KCNH7: variants seen among roughly 807,000 people sequenced by gnomAD.
KCNH7 encodes potassium voltage-gated channel subfamily H member 7, also known as voltage-gated inwardly rectifying potassium channel KCNH7.
Under a neutral mutation model 120.8 loss-of-function variants are expected in KCNH7, and 49 were observed. That is an observed-to-expected ratio of 0.41 (90% CI 0.32 to 0.51). The LOEUF (loss-of-function observed/expected upper bound fraction) is 0.51, where lower values mean the gene tolerates loss of function less well. Ranked by LOEUF, KCNH7 falls within the 20% of genes least tolerant of loss-of-function variation. The pLI, the probability that KCNH7 is intolerant of heterozygous loss-of-function variation, is 0.38. For missense variants in KCNH7, 1,097 were observed against 1,446.6 expected (o/e 0.76, Z 3.92); for synonymous variants, 547 against 516.1 (o/e 1.06, Z -0.81).
At chr2:162,616,466 G>C (rs912910233) in intron 2 of KCNH7, among the ~76,000 whole-genome samples, 1 of 152,170 alleles carries the variant, frequency 6.6e-6, no homozygotes, top group Admixed American at 6.5e-5. Flanking sequence ...TCACTAACTA[G>C]TTGTTCGTCT....
chr2:162,479,673 ATGTGTGTGTG>A (rs71009359), intron 6 of KCNH7, among the ~76,000 whole-genome samples: 6 of 145,300 alleles, frequency 4.1e-5, no homozygotes, highest in Admixed American at 1.4e-4. Context: ...GTGTGTGTGC[ATGTGTGTGTG>A]TGTGTGTGTG....
chr2:162,407,511 A>G (rs1188410327), intron 9 of KCNH7, among the ~76,000 whole-genome samples: 1 of 152,014 alleles, frequency 6.6e-6, no homozygotes, highest in Non-Finnish European at 1.5e-5. Context: ...TTGCTTTCAT[A>G]CACATGTCCT....
intron 2 of KCNH7, among the ~76,000 whole-genome samples, chr2:162,609,481 T>C (rs556278172): frequency 5.3e-5 from 8 of 152,156 alleles, no homozygotes; most frequent in Non-Finnish European, 1.2e-4. Flanking sequence ...CCTTGCGTTG[T>C]TGTCCTTATA....
intron 2 of KCNH7, among the ~76,000 whole-genome samples, chr2:162,717,298 A>G (rs990020008): frequency 3.9e-5 from 6 of 152,090 alleles, no homozygotes; most frequent in African/African-American, 1.2e-4. Flanking sequence ...TGCTTTCCCC[A>G]TTTGGCAGGT....
At chr2:162,502,444 T>C (rs563617849) in intron 6 of KCNH7, 121 of 152,118 alleles carry the variant, frequency 8.0e-4, no homozygotes, top group African/African-American at 2.5e-3. Flanking sequence ...AGAAGTAAGG[T>C]TTCCCAGTCC....
intron 2 of KCNH7, among the ~76,000 whole-genome samples, chr2:162,542,589 T>C (rs1383877441): frequency 6.6e-6 from 1 of 152,062 alleles, no homozygotes; most frequent in Non-Finnish European, 1.5e-5. Context: ...CTCATCATTT[T>C]TTATGGCTGC....
chr2:162,474,165 A>T (rs1175457407), intron 6 of KCNH7, among the ~76,000 whole-genome samples: 1 of 152,218 alleles, frequency 6.6e-6, no homozygotes, highest in African/African-American at 2.4e-5. Flanking sequence ...TTAAAGTCCC[A>T]TGAGGTTAGC....
chr2:162,404,766 G>A (rs1341497713), intron 9 of KCNH7, among the ~76,000 whole-genome samples: 1 of 151,858 alleles, frequency 6.6e-6, no homozygotes, highest in Non-Finnish European at 1.5e-5. Context: ...CCAGTCTCAG[G>A]TACTTCTTTA....
intron 2 of KCNH7, among the ~76,000 whole-genome samples, chr2:162,718,191 AT>A (rs36105366): frequency 0.023 from 3,423 of 151,750 alleles, 73 homozygotes; most frequent in East Asian, 0.12. Flanking sequence ...ATGTGACATG[AT>A]TTTTTTTAAC....
At chr2:162,678,274 G>T (rs796947656) in intron 2 of KCNH7, among the ~76,000 whole-genome samples, 19 of 151,384 alleles carry the variant, frequency 1.3e-4, no homozygotes, top group African/African-American at 4.1e-4. Flanking sequence ...GAGAGAATAT[G>T]ACATGTTGTA....
chr2:162,582,571 G>C (rs1300279045), intron 2 of KCNH7, among the ~76,000 whole-genome samples: 1 of 152,074 alleles, frequency 6.6e-6, no homozygotes. Context: ...TTTGAAGCCA[G>C]CCCTGCTGAA....
chr2:162,688,448 A>T (rs1685975741), intron 2 of KCNH7, among the ~76,000 whole-genome samples: 1 of 152,144 alleles, frequency 6.6e-6, no homozygotes, highest in Non-Finnish European at 1.5e-5. Context: ...GCATACAGAG[A>T]TTCCATAGCC....
intron 7 of KCNH7, among the ~76,000 whole-genome samples, chr2:162,442,396 T>C (rs1175887008): frequency 6.6e-6 from 1 of 152,116 alleles, no homozygotes; most frequent in African/African-American, 2.4e-5. Flanking sequence ...ACCTGTTACA[T>C]AGATTACATA....
intron 2 of KCNH7, among the ~76,000 whole-genome samples, chr2:162,573,642 C>CT (rs1693570405): frequency 6.6e-6 from 1 of 151,670 alleles, no homozygotes; most frequent in Admixed American, 6.6e-5. Context: ...TTTCGGCCAC[C>CT]TTTTTTGTGT....
intron 2 of KCNH7, among the ~76,000 whole-genome samples, chr2:162,579,332 A>G (rs1490926014): frequency 6.6e-6 from 1 of 152,078 alleles, no homozygotes; most frequent in African/African-American, 2.4e-5. Context: ...AAGGAACGTC[A>G]GTAAGATGCA....
At chr2:162,757,263 T>G (rs1337779088) in intron 2 of KCNH7, among the ~76,000 whole-genome samples, 1 of 152,142 alleles carries the variant, frequency 6.6e-6, no homozygotes. Flanking sequence ...TGTTTAGAGA[T>G]TTAAATGTTA....
chr2:162,718,029 T>A (rs938389467), intron 2 of KCNH7, among the ~76,000 whole-genome samples: 4 of 151,510 alleles, frequency 2.6e-5, no homozygotes, highest in Admixed American at 6.6e-5. Context: ...TCCCTTTTTC[T>A]CTCTCTCCCT....
At chr2:162,722,877 T>G (rs1391498122) in intron 2 of KCNH7, among the ~76,000 whole-genome samples, 1 of 145,072 alleles carries the variant, frequency 6.9e-6, no homozygotes, top group Non-Finnish European at 1.5e-5. Flanking sequence ...ATTTGCTGAC[T>G]TTTTTTTTAA....
chr2:162,774,001 A>G (rs1683151244), intron 2 of KCNH7, among the ~76,000 whole-genome samples: 2 of 152,176 alleles, frequency 1.3e-5, no homozygotes, highest in South Asian at 4.1e-4. Context: ...TTGTTTGTTA[A>G]AGAAAATAAT....
Sources: gnomAD v4.1 joint callset for allele counts (sites outside exome capture counted in the v4.1 genomes callset) on GRCh38, gnomAD v4.1.1 for gene constraint, MANE v1.5 for transcripts, NCBI Gene and HGNC (gene_info 2026-07-23, HGNC 2026-07-21) for gene names.